Variants in PCDH15 observed in about 807,000 individuals in gnomAD.
PCDH15 encodes the protein protocadherin related 15, also known as protocadherin-15.
A neutral mutation model predicts 178.5 loss-of-function variants in PCDH15; 129 were observed. The ratio of observed to expected loss-of-function variants is 0.72; its 90% CI spans 0.63 to 0.84. PCDH15 has a LOEUF of 0.84. PCDH15 is among the 40% of genes least tolerant of loss of function. The probability of loss-of-function intolerance (pLI) is 0.00; values close to 1 mark genes in which losing one functional copy is unlikely to be tolerated. For synonymous variants in PCDH15, 800 were observed against 732.0 expected, an observed-to-expected ratio of 1.09 and a Z score of -1.50; for missense variants, 2,230 against 2,099.9, an observed-to-expected ratio of 1.06 and a Z score of -1.21.
rs1841132474 is a variant in PCDH15, at chr10:53,806,093, T to A, written c.*486A>T. ...TCCCTCATTTACTTTACTTTGCAAT[T>A]CTAGCTTTCATTTTAAAAATTAGGG... is the stretch of plus-strand genomic sequence containing the variant. On this transcript the variant is annotated 3_prime_UTR_variant, in exon 38 of 38. Coordinates refer to ENST00000644397, the MANE Select transcript of PCDH15 (RefSeq NM_001384140.1). The A allele has an allele frequency of 6.5e-6, 1 of 153,832 alleles. No individual in the cohort carries two copies. The highest frequency in any genetic ancestry group is 1.4e-5 in the Non-Finnish European group (1 of 69,326). The allele number at this position is 153,832 out of a possible 1,614,324, so 9.5% of individuals were successfully genotyped here. A position where few individuals can be genotyped will look rare whatever the true frequency, so the allele number is the denominator to read the frequency against.
intron 32 of PCDH15, chr10:53,821,810 G>A: frequency 6.2e-7 from 1 of 1,607,338 alleles, no homozygotes; most frequent in Non-Finnish European, 8.5e-7. Context: ...TCAACTTGAA[G>A]ACTATGATCA....
intron 2 of PCDH15, among the ~76,000 whole-genome samples, chr10:55,554,022 T>C (rs1005619308): frequency 6.6e-6 from 1 of 151,994 alleles, no homozygotes; most frequent in South Asian, 2.1e-4. Context: ...ACAATTAAGG[T>C]TGTACTCTGT....
At chr10:54,954,482 C>G (rs980640280) in intron 2 of PCDH15, among the ~76,000 whole-genome samples, 1 of 151,156 alleles carries the variant, frequency 6.6e-6, no homozygotes, top group Admixed American at 6.6e-5. Flanking sequence ...CTTGGCAGTC[C>G]TATGAAATTT....
chr10:55,345,869 C>G (rs1388653792), intron 2 of PCDH15, among the ~76,000 whole-genome samples: 1 of 151,772 alleles, frequency 6.6e-6, no homozygotes, highest in Non-Finnish European at 1.5e-5. Flanking sequence ...TTATTAGTAA[C>G]AGTAATATGA....
chr10:55,349,077 G>A (rs904392336), intron 2 of PCDH15, among the ~76,000 whole-genome samples: 1 of 152,092 alleles, frequency 6.6e-6, no homozygotes, highest in African/African-American at 2.4e-5. Flanking sequence ...TGGAAGTGAG[G>A]AGAACTATTG....
intron 2 of PCDH15, among the ~76,000 whole-genome samples, chr10:55,519,106 A>C (rs1358372214): frequency 6.6e-6 from 1 of 150,700 alleles, no homozygotes; most frequent in Non-Finnish European, 1.5e-5. Context: ...AAAAAAAAAA[A>C]AAAAAAAAAA....
At chr10:54,726,397 T>C (rs1942497489) in intron 1 of PCDH15, among the ~76,000 whole-genome samples, 1 of 150,704 alleles carries the variant, frequency 6.6e-6, no homozygotes, top group Admixed American at 6.7e-5. Context: ...GTTTCATCTT[T>C]AGCACATTTC....
chr10:53,855,691 A>G (rs192894878), intron 28 of PCDH15, among the ~76,000 whole-genome samples: 10 of 151,760 alleles, frequency 6.6e-5, no homozygotes, highest in Non-Finnish European at 1.3e-4. Flanking sequence ...ATATTTTGCT[A>G]AAGAGGCAAA....
chr10:55,587,044 T>A (rs1842738760), intron 2 of PCDH15, among the ~76,000 whole-genome samples: 1 of 152,110 alleles, frequency 6.6e-6, no homozygotes, highest in Non-Finnish European at 1.5e-5. Context: ...AGTGTTTCAC[T>A]TAAAATTTGT....
At chr10:55,306,539 T>C (rs1007860930) in intron 1 of PCDH15, among the ~76,000 whole-genome samples, 1 of 152,166 alleles carries the variant, frequency 6.6e-6, no homozygotes, top group African/African-American at 2.4e-5. Context: ...ACTGTGATAA[T>C]AGAGCATTCT....
At chr10:54,769,636 T>C (rs1322952651) in intron 1 of PCDH15, among the ~76,000 whole-genome samples, 1 of 151,994 alleles carries the variant, frequency 6.6e-6, no homozygotes, top group Non-Finnish European at 1.5e-5. Context: ...GCAGACTGTG[T>C]ACAGAATCCA....
chr10:54,774,055 G>C (rs1475454607), intron 1 of PCDH15, among the ~76,000 whole-genome samples: 2 of 102,424 alleles, frequency 2.0e-5, no homozygotes, highest in Non-Finnish European at 3.7e-5. Context: ...TTGAGACGGA[G>C]TCTCGCTCTG....
chr10:54,594,840 C>T (rs1469526024), intron 2 of PCDH15, among the ~76,000 whole-genome samples: 1 of 152,168 alleles, frequency 6.6e-6, no homozygotes, highest in African/African-American at 2.4e-5. Flanking sequence ...GACAGCTCTG[C>T]CACCACCAGT....
chr10:54,442,788 T>C, intron 3 of PCDH15, among the ~76,000 whole-genome samples: 1 of 151,334 alleles, frequency 6.6e-6, no homozygotes, highest in East Asian at 2.0e-4. Context: ...CTGTAGTGGG[T>C]AGTAAAAGAG....
At chr10:55,480,069 A>C (rs369665048) in intron 2 of PCDH15, among the ~76,000 whole-genome samples, 1 of 151,662 alleles carries the variant, frequency 6.6e-6, no homozygotes, top group South Asian at 2.1e-4. Flanking sequence ...AAAAACATTG[A>C]ATCTATAAAT....
intron 7 of PCDH15, among the ~76,000 whole-genome samples, chr10:54,329,262 C>T (rs1938873072): frequency 1.3e-5 from 2 of 151,756 alleles, no homozygotes; most frequent in Admixed American, 6.6e-5. Flanking sequence ...GAGGTAGGGT[C>T]CAGAAATATG....
At chr10:54,609,699 C>T (rs572171310) in intron 2 of PCDH15, among the ~76,000 whole-genome samples, 8 of 152,028 alleles carry the variant, frequency 5.3e-5, no homozygotes, top group South Asian at 2.1e-4. Context: ...TATTATAAAT[C>T]ACATAGTTAT....
At chr10:54,566,862 G>A (rs995877373) in intron 2 of PCDH15, among the ~76,000 whole-genome samples, 20 of 152,200 alleles carry the variant, frequency 1.3e-4, no homozygotes, top group African/African-American at 2.4e-4. Context: ...GAGAATGACC[G>A]CTGGATTTTA....
At chr10:54,320,105 A>C (rs529470291) in intron 7 of PCDH15, among the ~76,000 whole-genome samples, 45 of 152,204 alleles carry the variant, frequency 3.0e-4, no homozygotes. Context: ...GATTATTCAA[A>C]CCTAAAGACA....
Sources: gnomAD v4.1 joint callset for allele counts (sites outside exome capture counted in the v4.1 genomes callset) on GRCh38, gnomAD v4.1.1 for gene constraint, MANE v1.5 for transcripts, NCBI Gene and HGNC (gene_info 2026-07-23, HGNC 2026-07-21) for gene names.